LETM1: variants seen among roughly 807,000 people sequenced by gnomAD.
The protein encoded by LETM1 is mitochondrial proton/calcium exchanger protein.
LETM1 carries 50 observed loss-of-function variants against 74.5 expected under a neutral mutation model. The ratio of observed to expected loss-of-function variants is 0.67; its 90% CI spans 0.53 to 0.85. LETM1 has a LOEUF of 0.85. LETM1 is among the 40% of genes least tolerant of loss of function. The probability of loss-of-function intolerance (pLI) is 0.00; values close to 1 mark genes in which losing one functional copy is unlikely to be tolerated. For synonymous variants in LETM1, 446 were observed against 407.1 expected (o/e 1.10, Z -1.15); for missense variants, 824 against 967.8 (o/e 0.85, Z 1.97).
At chr4:1,826,469 C>T (rs1423788111) in intron 6 of LETM1, among the ~76,000 whole-genome samples, 1 of 152,248 alleles carries the variant, frequency 6.6e-6, no homozygotes, top group Non-Finnish European at 1.5e-5. Flanking sequence ...TTAGCACATG[C>T]CACCCACCCA....
chr4:1,847,378 C>A (rs984802690), intron 2 of LETM1, among the ~76,000 whole-genome samples: 4 of 151,418 alleles, frequency 2.6e-5, no homozygotes, highest in African/African-American at 9.7e-5. Context: ...TCCTTCCCAA[C>A]TGGTTTAATG....
At chr4:1,835,077 A>G in intron 4 of LETM1, 95 bp from the exon 5 acceptor site, 2 of 1,216,084 alleles carry the variant, frequency 1.6e-6, no homozygotes, top group Non-Finnish European at 2.3e-6. Context: ...CCACTCCCAG[A>G]AACATTTCAC....
chr4:1,824,430 C>CG (rs1228129180), intron 7 of LETM1, among the ~76,000 whole-genome samples: 21 of 152,184 alleles, frequency 1.4e-4, no homozygotes, highest in African/African-American at 5.1e-4. Flanking sequence ...GGCCAGGTTC[C>CG]GGGGCTGGCT....
chr4:1,847,331 T>C (rs1712916863), intron 2 of LETM1, among the ~76,000 whole-genome samples: 1 of 146,040 alleles, frequency 6.8e-6, no homozygotes, highest in Admixed American at 6.8e-5. Context: ...ATGAACAGAA[T>C]GAGATCCTGT....
chr4:1,823,089 G>C lies in LETM1; in HGVS notation c.1375C>G (p.Gln459Glu). Residue 459 changes from glutamine (Q) to glutamate (E), a missense_variant, in exon 9 of 14, where the codon CAG becomes GAG. Gln to Glu is a conservative substitution (Grantham distance 29). This residue lies in a region of LETM1 where 172 missense variants were observed against 170.7 expected (regional missense o/e 1.01). Coordinates refer to ENST00000302787, the MANE Select transcript of LETM1 (RefSeq NM_012318.3). ...QVKVAEVEGE[Q>E]VDNKAKLEAT... ...TCCAGCTTGGCCTTGTTGTCCACCT[G>C]CTCGCCCTCCACCTCGGCCACTTTC... The C allele has an allele frequency of 6.2e-7, 1 of 1,609,076 alleles. No homozygotes were observed. Among genetic ancestry groups the C allele is most frequent in the Non-Finnish European group, 8.5e-7 (1 of 1,177,262 alleles).
At chr4:1,840,279 A>T (rs1712640589) in intron 3 of LETM1, among the ~76,000 whole-genome samples, 1 of 152,206 alleles carries the variant, frequency 6.6e-6, no homozygotes, top group African/African-American at 2.4e-5. Flanking sequence ...CAGGTGGCTG[A>T]GGCAGGAGAA....
intron 9 of LETM1, 182 bp from the exon 10 acceptor site, chr4:1,822,494 G>A (rs1436873938): frequency 5.3e-6 from 3 of 567,572 alleles, no homozygotes; most frequent in Non-Finnish European, 8.0e-6. Flanking sequence ...GGTCACCTGG[G>A]GCCCTCTCCA....
chr4:1,847,029 T>C (rs935351981), intron 2 of LETM1, among the ~76,000 whole-genome samples: 1 of 151,930 alleles, frequency 6.6e-6, no homozygotes, highest in African/African-American at 2.4e-5. Context: ...GCAATGCATG[T>C]GGCCTATACA....
chr4:1,841,985 A>G (rs907258314), intron 2 of LETM1, among the ~76,000 whole-genome samples, 188 bp from the exon 3 acceptor site: 4 of 152,140 alleles, frequency 2.6e-5, no homozygotes, highest in African/African-American at 9.7e-5. Context: ...GGAGGCCAGG[A>G]CAGTGTGCAG....
In LETM1 at chr4:1,822,271, C is replaced by A. The variant is rs373392375; in HGVS notation, c.1518G>T (p.Arg506Ser). ...EPERVVAAPQ[R>S]PGTEPQPEMP... Reference sequence around the variant, plus strand: ...TTTCTGGCTGTGGCTCGGTCCCCGGCCTTTGGGGAGCAGCTACCACACGTT... The same window carrying A: ...TTTCTGGCTGTGGCTCGGTCCCCGGACTTTGGGGAGCAGCTACCACACGTT... Residue 506 changes from arginine (R) to serine (S), a missense_variant, in exon 10 of 14, where the codon AGG (arginine) becomes AGT (serine). By Grantham distance (110) the Arg-to-Ser change is moderately radical. This residue lies in a region of LETM1 where 172 missense variants were observed against 170.7 expected (regional missense o/e 1.01). Transcript: ENST00000302787. 17 of 1,540,538 alleles carry A rather than the reference C, an allele frequency of 1.1e-5. No homozygotes were observed. The Middle Eastern group carries it at 8.6e-4, about 78-fold the overall frequency.
intron 2 of LETM1, among the ~76,000 whole-genome samples, chr4:1,845,599 G>A (rs1712856498): frequency 6.8e-6 from 1 of 147,958 alleles, no homozygotes; most frequent in African/African-American, 2.5e-5. Context: ...CCAGGCTGGA[G>A]TGCAGTGGCA....
At chr4:1,829,654 C>T (rs1712186907) in intron 6 of LETM1, among the ~76,000 whole-genome samples, 1 of 152,168 alleles carries the variant, frequency 6.6e-6, no homozygotes, top group South Asian at 2.1e-4. Flanking sequence ...CTCATCTCTA[C>T]AAGAAAAATA....
chr4:1,831,204 T>C (rs546801469), intron 6 of LETM1, among the ~76,000 whole-genome samples: 4 of 152,318 alleles, frequency 2.6e-5, no homozygotes, highest in South Asian at 2.1e-4. Context: ...CTCAATGGCA[T>C]TGACCTCTCC....
At chr4:1,853,551 G>A (rs2108859002) in intron 1 of LETM1, among the ~76,000 whole-genome samples, 1 of 152,250 alleles carries the variant, frequency 6.6e-6, no homozygotes, top group African/African-American at 2.4e-5. Flanking sequence ...CACTCCACCT[G>A]GGCAGTACTC....
Position 1,832,801 on chromosome 4 carries a change from G to A in LETM1, c.1023C>T (p.Asn341=). Residue 341 remains asparagine (N), a synonymous_variant, in exon 6 of 14, where the codon AAC becomes AAT. Coordinates refer to ENST00000302787, the MANE Select transcript of LETM1 (RefSeq NM_012318.3). ...TGGTAAGCTGGAAGCGCAGGAAGTT[G>A]TTGGTGCCGATGGACTGTAGCTCCA... ...KLLELQSIGT[N]NFLRFQLTMR... is the part of the protein sequence containing the mutation. 1 of 1,614,222 alleles carries A rather than the reference G, an allele frequency of 6.2e-7. No individual in the cohort carries two copies. Among genetic ancestry groups the A allele is most frequent in the Non-Finnish European group, 8.5e-7 (1 of 1,180,042 alleles).
chr4:1,843,116 T>TA (rs1415166628), intron 2 of LETM1: 24 of 232,964 alleles, frequency 1.0e-4, no homozygotes, highest in African/African-American at 5.4e-4. Flanking sequence ...AGCAGACTGT[T>TA]AGAGCTCAAA....
chr4:1,837,984 C>G (rs753383387), intron 3 of LETM1, among the ~76,000 whole-genome samples: 80 of 151,976 alleles, frequency 5.3e-4, no homozygotes, highest in Non-Finnish European at 5.9e-4. Context: ...GGATTACAGG[C>G]GTGAGCCACC....
chr4:1,850,293 C>T (rs1249075084), intron 1 of LETM1, among the ~76,000 whole-genome samples: 1 of 152,132 alleles, frequency 6.6e-6, no homozygotes, highest in Non-Finnish European at 1.5e-5. Flanking sequence ...AAAACAGTAT[C>T]TCAAAGTAGT....
chr4:1,828,359 G>A (rs1347736991), intron 6 of LETM1, among the ~76,000 whole-genome samples: 9 of 120,092 alleles, frequency 7.5e-5, no homozygotes, highest in Admixed American at 1.5e-4. Flanking sequence ...CGGACGGGGC[G>A]GCTGGCCGGG....
Sources: gnomAD v4.1 joint callset for allele counts (sites outside exome capture counted in the v4.1 genomes callset) on GRCh38, gnomAD v4.1.1 for gene constraint, gnomAD v4.1.1 regional missense constraint, MANE v1.5 for transcripts, NCBI Gene and HGNC (gene_info 2026-07-23, HGNC 2026-07-21) for gene names.